The following PDLIM5 variants were observed in gnomAD, a reference collection of about 807,000 sequenced individuals.
The protein encoded by PDLIM5 is PDZ and LIM domain protein 5.
In PDLIM5, 34 loss-of-function variants were observed where a neutral mutation model predicts 64.2. That is an observed-to-expected ratio of 0.53 (90% CI 0.40 to 0.71). The LOEUF (loss-of-function observed/expected upper bound fraction) is 0.71. PDLIM5 is among the 30% of genes least tolerant of loss of function. The probability of loss-of-function intolerance (pLI) is 0.00; values close to 1 mark genes in which losing one functional copy is unlikely to be tolerated. For synonymous variants in PDLIM5, 253 were observed against 269.1 expected (o/e 0.94, Z 0.59); for missense variants, 683 against 733.6 (o/e 0.93, Z 0.80).
intron 2 of PDLIM5, among the ~76,000 whole-genome samples, chr4:94,481,289 CCTT>C (rs1468170475): frequency 1.2e-4 from 16 of 130,602 alleles, no homozygotes; most frequent in African/African-American, 1.8e-4. Flanking sequence ...ACAGCTTATT[CCTT>C]TTTTTTTTTT....
intron 3 of PDLIM5, among the ~76,000 whole-genome samples, chr4:94,537,668 G>A (rs949858453): frequency 7.2e-5 from 11 of 152,106 alleles, no homozygotes; most frequent in African/African-American, 2.7e-4. Context: ...TTACCTCTAA[G>A]AAGTTACTGA....
chr4:94,628,522 CT>C (rs58904009), intron 8 of PDLIM5, among the ~76,000 whole-genome samples: 3,060 of 146,992 alleles, frequency 0.021, 112 homozygotes, highest in African/African-American at 0.07. Context: ...TAAAATATCT[CT>C]TTTTTTTTTT....
intron 2 of PDLIM5, among the ~76,000 whole-genome samples, chr4:94,479,031 C>G (rs949419986): frequency 6.7e-6 from 1 of 150,148 alleles, no homozygotes; most frequent in South Asian, 2.1e-4. Context: ...TTATGAGTAG[C>G]TGGGACCACA....
At chr4:94,585,772 G>GT (rs765557184) in intron 6 of PDLIM5, 35 bp downstream of exon 6, 5 of 1,560,874 alleles carry the variant, frequency 3.2e-6, no homozygotes, top group South Asian at 2.2e-5. Context: ...ATGGATGAAT[G>GT]TTTTTTTGCC....
intron 3 of PDLIM5, among the ~76,000 whole-genome samples, chr4:94,524,786 C>A (rs1329313985): frequency 6.6e-6 from 1 of 151,830 alleles, no homozygotes; most frequent in Non-Finnish European, 1.5e-5. Context: ...AAGGAAAGAC[C>A]AGGAGTTATA....
At chr4:94,628,842 A>G (rs902236314) in intron 8 of PDLIM5, among the ~76,000 whole-genome samples, 6 of 152,230 alleles carry the variant, frequency 3.9e-5, no homozygotes, top group African/African-American at 1.4e-4. Flanking sequence ...CTAAGCTTAC[A>G]AAGTCTGCAT....
At chr4:94,509,323 C>T (rs189609530) in intron 2 of PDLIM5, among the ~76,000 whole-genome samples, 177 of 152,142 alleles carry the variant, frequency 1.2e-3, no homozygotes, top group Non-Finnish European at 1.7e-3. Flanking sequence ...TTTTCAGTAC[C>T]CTTTCTCTGC....
intron 7 of PDLIM5, chr4:94,610,141 T>C: frequency 6.8e-7 from 1 of 1,476,574 alleles, no homozygotes; most frequent in Non-Finnish European, 9.0e-7. Flanking sequence ...CTCTCCTGTT[T>C]TTCTTTCCCT....
intron 3 of PDLIM5, among the ~76,000 whole-genome samples, chr4:94,539,356 A>G (rs778385065): frequency 2.0e-4 from 30 of 152,170 alleles, no homozygotes; most frequent in Non-Finnish European, 3.7e-4. Context: ...CTTGTCGGCT[A>G]AAGAGGACTT....
chr4:94,665,701 TCTG>T lies in PDLIM5; in HGVS notation c.*1636_*1638del, dbSNP rs1743049405. On this transcript the variant is annotated 3_prime_UTR_variant, in exon 13 of 13. Coordinates refer to ENST00000317968, the MANE Select transcript of PDLIM5 (RefSeq NM_006457.5). ...CTTTTTGTTTCGTTTTGTTTCTTCT[TCTG>T]CATTTAAAAATTAAAAGATTGGTTT... 1 of 1,125,076 alleles carries T rather than the reference TCTG, an allele frequency of 8.9e-7. No homozygotes were observed. The highest frequency in any genetic ancestry group is 1.6e-5 in the African/African-American group (1 of 61,988). The allele number at this position is 1,125,076 out of a possible 1,614,324, so 69.7% of individuals were successfully genotyped here. A position where few individuals can be genotyped will look rare whatever the true frequency, so the allele number is the denominator to read the frequency against.
chr4:94,525,249 T>C (rs1038402761), intron 3 of PDLIM5, among the ~76,000 whole-genome samples: 2 of 152,112 alleles, frequency 1.3e-5, no homozygotes, highest in Non-Finnish European at 2.9e-5. Flanking sequence ...TGAAACCCAG[T>C]CTCTACTATA....
Position 94,640,395 on chromosome 4 carries a change from C to CA in PDLIM5, c.1229dup (p.His410GlnfsTer15), listed in dbSNP as rs767670598. The CA allele has an allele frequency of 6.2e-7, 1 of 1,612,058 alleles. No individual in the cohort carries two copies. Among genetic ancestry groups the CA allele is most frequent in the East Asian group, 2.2e-5 (1 of 44,820 alleles). On this transcript the variant is annotated frameshift_variant, in exon 9 of 13. Coordinates refer to ENST00000317968, the MANE Select transcript of PDLIM5 (RefSeq NM_006457.5). LOFTEE classifies it high-confidence loss of function. ...GGACACTTTAGTGCAAAGAGCTGAG[C>CA]ACATTCCAGCAGGGAAACGAACTCC... is the stretch of plus-strand genomic sequence containing the variant.
At chr4:94,453,531 G>A (rs139894210) in intron 1 of PDLIM5, among the ~76,000 whole-genome samples, 408 of 152,292 alleles carry the variant, frequency 2.7e-3, no homozygotes, top group African/African-American at 8.8e-3. Flanking sequence ...ACATTTTCTT[G>A]TAGGGAAGAA....
chr4:94,599,984 A>G (rs1302695341), intron 7 of PDLIM5, among the ~76,000 whole-genome samples: 1 of 152,196 alleles, frequency 6.6e-6, no homozygotes, highest in African/African-American at 2.4e-5. Flanking sequence ...TGGTGAAGTG[A>G]TTAGATTAGG....
chr4:94,490,552 A>T (rs146206200), intron 2 of PDLIM5, among the ~76,000 whole-genome samples: 2 of 152,250 alleles, frequency 1.3e-5, no homozygotes, highest in African/African-American at 4.8e-5. Flanking sequence ...TTGATTTTGG[A>T]TATTTCATGT....
chr4:94,606,334 G>A (rs1737917667), intron 7 of PDLIM5, among the ~76,000 whole-genome samples: 1 of 152,122 alleles, frequency 6.6e-6, no homozygotes, highest in African/African-American at 2.4e-5. Context: ...CACATGACAG[G>A]GGCAGCTAAG....
intron 8 of PDLIM5, among the ~76,000 whole-genome samples, chr4:94,638,332 A>T (rs1740736079): frequency 6.6e-6 from 1 of 152,172 alleles, no homozygotes; most frequent in South Asian, 2.1e-4. Flanking sequence ...TGGGTCTAAG[A>T]GAATGGAAAC....
intron 7 of PDLIM5, among the ~76,000 whole-genome samples, chr4:94,613,408 A>G (rs1738526718): frequency 6.6e-6 from 1 of 152,224 alleles, no homozygotes; most frequent in Non-Finnish European, 1.5e-5. Context: ...ATTTGTTGCA[A>G]CAGTTAAACA....
At chr4:94,532,828 G>A (rs1262035695) in intron 3 of PDLIM5, among the ~76,000 whole-genome samples, 5 of 152,048 alleles carry the variant, frequency 3.3e-5, no homozygotes, top group African/African-American at 9.7e-5. Flanking sequence ...GTGAAACCCC[G>A]TCTCTACTAA....
Sources: gnomAD v4.1 joint callset for allele counts (sites outside exome capture counted in the v4.1 genomes callset) on GRCh38, gnomAD v4.1.1 for gene constraint, MANE v1.5 for transcripts, NCBI Gene and HGNC (gene_info 2026-07-23, HGNC 2026-07-21) for gene names.